Variants in LINGO2 observed in about 807,000 individuals in gnomAD.
The protein encoded by LINGO2 is leucine-rich repeat and immunoglobulin-like domain-containing nogo receptor-interacting protein 2.
In LINGO2, 14 loss-of-function variants were observed where a neutral mutation model predicts 30.6. The observed-to-expected ratio is 0.46, with a 90% CI of 0.30 to 0.72. The LOEUF is 0.72. Among genes scored for constraint, LINGO2 ranks in the 30% least tolerant of loss-of-function variants. The pLI is 0.07. For synonymous variants in LINGO2, 317 were observed against 288.5 expected (o/e 1.10, Z -1.00); for missense variants, 729 against 751.7 (o/e 0.97, Z 0.35).
At chr9:29,187,964 T>C in the LINGO2 span, among the ~76,000 whole-genome samples, 2 of 151,270 alleles carry the variant, frequency 1.3e-5, no homozygotes, top group East Asian at 3.9e-4. Flanking sequence ...TTTTCTTTTT[T>C]TTTTCCAAAT....
At chr9:28,667,247 C>T (rs1563903574) in intron 1 of LINGO2, among the ~76,000 whole-genome samples, 1 of 152,094 alleles carries the variant, frequency 6.6e-6, no homozygotes, top group African/African-American at 2.4e-5. Flanking sequence ...TTTAACTAAA[C>T]CCATGTAATA....
At chr9:28,208,251 G>A (rs1016270340) in intron 4 of LINGO2, among the ~76,000 whole-genome samples, 6 of 151,982 alleles carry the variant, frequency 3.9e-5, no homozygotes, top group African/African-American at 1.5e-4. Context: ...CAAGCCTTAG[G>A]ACCAAAAATA....
At chr9:28,287,986 C>G (rs190230724) in intron 4 of LINGO2, among the ~76,000 whole-genome samples, 62 of 152,174 alleles carry the variant, frequency 4.1e-4, no homozygotes, top group African/African-American at 1.4e-3. Flanking sequence ...CCATGAAGGA[C>G]AAGTGTTCCA....
chr9:27,948,938 G>A (rs959284003), exon 6 of LINGO2: 1 of 1,613,966 alleles, frequency 6.2e-7, no homozygotes, highest in Non-Finnish European at 8.5e-7. Context: ...CATACTCAAG[G>A]TCAATGCTGT....
intron 4 of LINGO2, among the ~76,000 whole-genome samples, chr9:28,290,926 C>A (rs554389231): frequency 1.3e-5 from 2 of 152,080 alleles, no homozygotes; most frequent in Admixed American, 6.5e-5. Flanking sequence ...CTCTCCCACC[C>A]CAACCCCAGC....
At chr9:29,172,177 T>C in the LINGO2 span, among the ~76,000 whole-genome samples, 1 of 151,928 alleles carries the variant, frequency 6.6e-6, no homozygotes, top group African/African-American at 2.4e-5. Context: ...AATTATAAAA[T>C]GTGATTAGAG....
At chr9:28,600,056 T>C (rs1825396846) in intron 1 of LINGO2, among the ~76,000 whole-genome samples, 1 of 152,146 alleles carries the variant, frequency 6.6e-6, no homozygotes, top group Non-Finnish European at 1.5e-5. Flanking sequence ...AAAGTATCAC[T>C]AGATTCTACT....
the LINGO2 span, among the ~76,000 whole-genome samples, chr9:28,802,687 A>G: frequency 6.6e-6 from 1 of 152,018 alleles, no homozygotes; most frequent in East Asian, 1.9e-4. Flanking sequence ...AAGAATACTT[A>G]AAAAATAAAA....
intron 1 of LINGO2, among the ~76,000 whole-genome samples, chr9:28,489,896 CAAA>C (rs36068240): frequency 6.0e-5 from 4 of 66,920 alleles, no homozygotes; most frequent in African/African-American, 1.7e-4. Flanking sequence ...GACTTTGTCT[CAAA>C]AAAAAAAAAA....
the LINGO2 span, among the ~76,000 whole-genome samples, chr9:28,933,299 G>A: frequency 1.3e-5 from 2 of 152,034 alleles, no homozygotes; most frequent in Non-Finnish European, 2.9e-5. Context: ...GCTTCATTGG[G>A]TTCCCCAAAA....
chr9:28,575,123 G>A (rs1021129634), intron 1 of LINGO2, among the ~76,000 whole-genome samples: 2 of 152,040 alleles, frequency 1.3e-5, no homozygotes, highest in African/African-American at 4.8e-5. Context: ...CAAACACCAG[G>A]CCAGGCGTGG....
chr9:28,263,585 G>A (rs1822641352), intron 4 of LINGO2, among the ~76,000 whole-genome samples: 2 of 151,874 alleles, frequency 1.3e-5, no homozygotes, highest in African/African-American at 4.8e-5. Flanking sequence ...TATGAGATAG[G>A]TTAAAATCTC....
intron 4 of LINGO2, among the ~76,000 whole-genome samples, chr9:28,073,314 T>A (rs1825534827): frequency 6.6e-6 from 1 of 152,164 alleles, no homozygotes; most frequent in African/African-American, 2.4e-5. Flanking sequence ...AGGATGAAAA[T>A]AACTAGCCTA....
intron 4 of LINGO2, among the ~76,000 whole-genome samples, chr9:28,018,299 C>A (rs977215570): frequency 1.3e-5 from 2 of 152,030 alleles, no homozygotes; most frequent in African/African-American, 4.8e-5. Context: ...TAGACCCTGG[C>A]AAAGATTTCA....
chr9:29,069,103 T>C, the LINGO2 span, among the ~76,000 whole-genome samples: 2 of 151,864 alleles, frequency 1.3e-5, no homozygotes, highest in African/African-American at 4.8e-5. Flanking sequence ...GACAATTATA[T>C]GTATCCATTG....
chr9:28,314,791 T>C (rs1341313482), intron 3 of LINGO2, among the ~76,000 whole-genome samples: 1 of 152,000 alleles, frequency 6.6e-6, no homozygotes, highest in Non-Finnish European at 1.5e-5. Flanking sequence ...GAGACCATCC[T>C]GGCTAACACG....
chr9:28,988,458 T>C, the LINGO2 span, among the ~76,000 whole-genome samples: 6 of 152,152 alleles, frequency 3.9e-5, no homozygotes, highest in Admixed American at 3.9e-4. Flanking sequence ...CAGCATATAG[T>C]GGAGTCTTTA....
intron 4 of LINGO2, among the ~76,000 whole-genome samples, chr9:28,249,208 T>C (rs936254202): frequency 7.2e-5 from 11 of 152,292 alleles, no homozygotes; most frequent in Non-Finnish European, 1.5e-4. Flanking sequence ...TTTTGGATCA[T>C]GAGGCTGTTT....
chr9:28,038,175 A>G (rs1453744379), intron 4 of LINGO2, among the ~76,000 whole-genome samples: 3 of 152,302 alleles, frequency 2.0e-5, no homozygotes, highest in Middle Eastern at 3.4e-3. Context: ...GAAGCAACCC[A>G]ACATTTGTAA....
Sources: gnomAD v4.1 joint callset for allele counts (sites outside exome capture counted in the v4.1 genomes callset) on GRCh38, gnomAD v4.1.1 for gene constraint, MANE v1.5 for transcripts, NCBI Gene and HGNC (gene_info 2026-07-23, HGNC 2026-07-21) for gene names.